EML2: variants seen among roughly 807,000 people sequenced by gnomAD.
EML2 encodes echinoderm microtubule-associated protein-like 2.
A neutral mutation model predicts 84.7 loss-of-function variants in EML2; 59 were observed. The ratio of observed to expected loss-of-function variants is 0.70; its 90% CI spans 0.56 to 0.86. The LOEUF is 0.86. Ranked by LOEUF, EML2 falls within the 40% of genes least tolerant of loss-of-function variation. The probability of loss-of-function intolerance (pLI) is 0.00; values close to 1 mark genes in which losing one functional copy is unlikely to be tolerated. For missense variants in EML2, 818 were observed against 855.6 expected (o/e 0.96, Z 0.55); for synonymous variants, 352 against 348.9 (o/e 1.01, Z -0.10).
Position 45,613,528 on chromosome 19 carries a change from C to T in EML2, c.1824+13G>A. The T allele has an allele frequency of 6.2e-7, 1 of 1,613,504 alleles. No individual in the cohort carries two copies. Among genetic ancestry groups the T allele is most frequent in the Non-Finnish European group, 8.5e-7 (1 of 1,179,722 alleles). ...GCTACCCCCGTCCATCCCCATCTCC[C>T]CAAGGGACTCACTCGAGGCTGACAG... On this transcript the variant is annotated intron_variant, in intron 18 of 18. Coordinates refer to ENST00000245925, the MANE Select transcript of EML2 (RefSeq NM_012155.4).
At chr19:45,613,168 C>T (rs545610339) in intron 18 of EML2, among the ~76,000 whole-genome samples, 2 of 152,108 alleles carry the variant, frequency 1.3e-5, no homozygotes, top group South Asian at 2.1e-4. Context: ...CAAAGTGTTG[C>T]GATTACAGGT....
At chr19:45,639,660 C>G (rs971451717), upstream of EML2, among the ~76,000 whole-genome samples, 2 of 152,130 alleles carry the variant, frequency 1.3e-5, no homozygotes, top group Admixed American at 1.3e-4. Flanking sequence ...ACAGGTCGTC[C>G]AACCTCTGCC....
In EML2 at chr19:45,615,519, AAATAAT is replaced by A. The variant is rs56322389; in HGVS notation, c.1597+277_1597+282del. On this transcript the variant is annotated intron_variant, in intron 16 of 18. Transcript: ENST00000245925. ...GGGGACAGAGCAAGACTCCGTCTCAAAATAATAATAATAATAATAATAATAATAATA... is the reference window on the plus strand; with the variant it reads ...GGGGACAGAGCAAGACTCCGTCTCAAAATAATAATAATAATAATAATAATA... 4.0e-3 allele frequency among the ~76,000 whole-genome samples: 560 copies of A among 139,174 alleles called. 1 individual carries two copies. Among genetic ancestry groups the A allele is most frequent in the Middle Eastern group, 0.022 (6 of 268 alleles). The allele number at this position is 139,174 out of a possible 152,430, so 91.3% of individuals were successfully genotyped here.
chr19:45,613,739 T>G, intron 17 of EML2, 68 bp from the exon 18 acceptor site: 2 of 1,574,246 alleles, frequency 1.3e-6, no homozygotes, highest in Admixed American at 3.5e-5. Flanking sequence ...AGGAGCAGAT[T>G]GCCACTCCAG....
Position 45,624,767 on chromosome 19 carries a change from C to G in EML2, c.793G>C (p.Asp265His), listed in dbSNP as rs767071113. The change falls in exon 9 of 19, where the codon GAC (aspartate) becomes CAC (histidine). Residue 265 changes from aspartate (D) to histidine (H), a missense_variant. Asp to His is a moderately conservative substitution (Grantham distance 81, BLOSUM62 -1). Transcript: ENST00000245925. ...VLCVTFLEGG[D>H]VVTGDSGGNL... ...CCCCCAGAGTCCCCCGTGACCACGT[C>G]GCCACCTTCCAAAAAGGTCACACAC... The G allele has an allele frequency of 6.2e-7, 1 of 1,613,872 alleles. No homozygotes were observed. Among genetic ancestry groups the G allele is most frequent in the Non-Finnish European group, 8.5e-7 (1 of 1,179,944 alleles).
Position 45,620,412 on chromosome 19 carries a change from C to A in EML2, c.1122+795G>T, listed in dbSNP as rs975103162. Among the ~76,000 whole-genome samples the A allele has an allele frequency of 3.3e-4, 50 of 151,840 alleles. 2 individuals are homozygous for A. Among genetic ancestry groups the A allele is most frequent in the Non-Finnish European group, 2.9e-5 (2 of 67,980 alleles). ...TATTATGATTAATAATTATAATAGC[C>A]AATATAATAGTATGGGCTGGGTGCA... is the stretch of plus-strand genomic sequence containing the variant. On this transcript the variant is annotated intron_variant, in intron 11 of 18. Transcript: ENST00000245925.
At chr19:45,640,183 G>C (rs774338587), upstream of EML2, 1 of 152,330 alleles carries the variant, frequency 6.6e-6, no homozygotes, top group African/African-American at 2.4e-5. Flanking sequence ...CGCTGACCAC[G>C]CCCACTGCAC....
Position 45,621,303 on chromosome 19 carries a change from G to A in EML2, c.1026C>T (p.Thr342=), listed in dbSNP as rs531096296. The change falls in exon 11 of 19, where the codon ACC becomes ACT. Residue 342 remains threonine, a synonymous_variant. Transcript: ENST00000245925. ...EVPEDFGPVR[T]VAEGHGDTLY... ...GTGTGTCTCCGTGGCCCTCTGCCAC[G>A]GTGCGCACAGGGCCAAAGTCCTCAG... is the stretch of plus-strand genomic sequence containing the variant. The A allele has an allele frequency of 4.3e-6, 7 of 1,611,144 alleles. No individual in the cohort carries two copies. The highest frequency in any genetic ancestry group is 3.3e-5 in the Admixed American group (2 of 59,906).
intron 5 of EML2, 27 bp downstream of exon 5, chr19:45,633,041 CTT>C: frequency 6.3e-7 from 1 of 1,592,434 alleles, no homozygotes; most frequent in Non-Finnish European, 8.5e-7. Context: ...GTCCTGCACT[CTT>C]TTCTGCTTTC....
At chr19:45,641,682 C>T, upstream of EML2, 1 of 1,536,180 alleles carries the variant, frequency 6.5e-7, no homozygotes. Context: ...AGGATGTGGT[C>T]CGGCTGCGGG....
upstream of EML2, chr19:45,642,340 G>C: frequency 6.5e-7 from 1 of 1,531,180 alleles, no homozygotes. Context: ...GCTCGTGCCC[G>C]ACAAATTGTC....
At chr19:45,626,926 C>T in intron 7 of EML2, 87 bp from the exon 8 acceptor site, 1 of 1,299,686 alleles carries the variant, frequency 7.7e-7, no homozygotes, top group Non-Finnish European at 1.0e-6. Flanking sequence ...CCCTAAACGG[C>T]TGTTTGTGTT....
At chr19:45,626,201 G>C (rs1038677892) in intron 8 of EML2, among the ~76,000 whole-genome samples, 1 of 150,318 alleles carries the variant, frequency 6.7e-6, no homozygotes, top group African/African-American at 2.5e-5. Context: ...TTGTAGATAT[G>C]AGGTCTCACC....
At chr19:45,638,811 C>A (rs1181563688) in intron 2 of EML2, 34 bp downstream of exon 2, 1 of 1,611,962 alleles carries the variant, frequency 6.2e-7, no homozygotes, top group East Asian at 2.2e-5. Context: ...AACAAGCAAG[C>A]TTCCACCGAG....
intron 3 of EML2, among the ~76,000 whole-genome samples, chr19:45,635,933 T>G (rs1275299214): frequency 6.6e-6 from 1 of 151,836 alleles, no homozygotes; most frequent in Non-Finnish European, 1.5e-5. Context: ...AATGTGACCT[T>G]ACAAGGAAAA....
At chr19:45,621,072 G>C (rs1273852118) in intron 11 of EML2, 135 bp downstream of exon 11, 2 of 1,351,660 alleles carry the variant, frequency 1.5e-6, no homozygotes, top group African/African-American at 1.4e-5. Context: ...AGGGGTCCTG[G>C]GTCAGGGCCA....
In EML2 at chr19:45,632,680, C is replaced by T. The variant is rs534323030; in HGVS notation, c.510+181G>A. On this transcript the variant is annotated intron_variant, in intron 6 of 18. Transcript: ENST00000245925. ...GTTTAAAATGCCTGAGAGGGCTGGGCGGGCACGGTGACTCACCCGCCCCTT... is the reference window on the plus strand; with the variant it reads ...GTTTAAAATGCCTGAGAGGGCTGGGTGGGCACGGTGACTCACCCGCCCCTT... 6.8e-6 allele frequency: 4 copies of T among 585,480 alleles called. No individual in the cohort carries two copies. The East Asian group carries it at 8.7e-5, about 13-fold the overall frequency. 36.3% of individuals were successfully genotyped at this position (585,480 alleles called of 1,614,324 possible). A position where few individuals can be genotyped will look rare whatever the true frequency, so the allele number is the denominator to read the frequency against.
chr19:45,638,901 A>AT, intron 1 of EML2, 28 bp from the exon 2 acceptor site: 9 of 1,613,348 alleles, frequency 5.6e-6, no homozygotes, highest in South Asian at 1.1e-5. Flanking sequence ...AGAAAAAAAA[A>AT]GGGTCTTAGT....
chr19:45,619,487 G>A, intron 11 of EML2: 1 of 215,184 alleles, frequency 4.6e-6, no homozygotes, highest in Non-Finnish European at 9.4e-6. Context: ...GGTCAGACAG[G>A]CTGCACCCTG....
Sources: gnomAD v4.1 joint callset for allele counts (sites outside exome capture counted in the v4.1 genomes callset) on GRCh38, gnomAD v4.1.1 for gene constraint, MANE v1.5 for transcripts, NCBI Gene and HGNC (gene_info 2026-07-23, HGNC 2026-07-21) for gene names.